The following XKR4 variants were observed in gnomAD, a reference collection of about 807,000 sequenced individuals.
XKR4 encodes the protein XK related 4.
A neutral mutation model predicts 53.9 loss-of-function variants in XKR4; 12 were observed. That is an observed-to-expected ratio of 0.22 (90% confidence interval 0.14 to 0.36). The LOEUF is 0.36. Among genes scored for constraint, XKR4 ranks in the 10% least tolerant of loss-of-function variants. The pLI is 1.00. For missense variants in XKR4, 799 were observed against 859.5 expected (o/e 0.93, Z 0.88); for synonymous variants, 354 against 362.4 (o/e 0.98, Z 0.26).
At chr8:55,145,740 C>T (rs1484848570) in intron 1 of XKR4, among the ~76,000 whole-genome samples, 1 of 152,174 alleles carries the variant, frequency 6.6e-6, no homozygotes. Context: ...CATGTATGCT[C>T]ATGAAAGTAC....
In XKR4 at chr8:55,174,384, T is replaced by A. The variant is rs116799809; in HGVS notation, c.806+71090T>A. Among the ~76,000 whole-genome samples the A allele has an allele frequency of 7.0e-3, 1,064 of 152,304 alleles. 13 individuals carry two copies. The highest frequency in any genetic ancestry group is 0.024 in the African/African-American group (1,004 of 41,570). On this transcript the variant is annotated intron_variant, in intron 1 of 2. Transcript: ENST00000327381. ...GAAGAGTATAGCTGTTTTTTCTGCA[T>A]CCTGCATTGCACATCTCACAAAGAA... is the stretch of plus-strand genomic sequence containing the variant.
At chr8:55,356,207 A>G (rs879638190) in intron 1 of XKR4, among the ~76,000 whole-genome samples, 33 of 152,250 alleles carry the variant, frequency 2.2e-4, no homozygotes, top group African/African-American at 6.8e-4. Flanking sequence ...CTTGATTGCA[A>G]TATCATCAGT....
At chr8:55,451,356 G>T in intron 2 of XKR4, 1 of 664,222 alleles carries the variant, frequency 1.5e-6, no homozygotes. Context: ...GGCTGCCAAT[G>T]TGACTCCCCA....
Position 55,527,983 on chromosome 8 carries a change from C to T in XKR4, c.*3756C>T, listed in dbSNP as rs1047284565. 2.0e-5 allele frequency: 3 copies of T among 151,940 alleles called. No homozygotes were observed. Among genetic ancestry groups the T allele is most frequent in the South Asian group, 2.1e-4 (1 of 4,814 alleles). The allele number at this position is 151,940 out of a possible 1,614,324, so 9.4% of individuals were successfully genotyped here. A position where few individuals can be genotyped will look rare whatever the true frequency, so the allele number is the denominator to read the frequency against. On this transcript the variant is annotated 3_prime_UTR_variant, in exon 3 of 3. Transcript: ENST00000327381. Reference sequence around the variant, plus strand: ...GTGTACATACATATATGTATATATACGTACCTATATATGTATGTACACACA... The same window carrying T: ...GTGTACATACATATATGTATATATATGTACCTATATATGTATGTACACACA...
chr8:55,483,216 C>T (rs967824045), intron 2 of XKR4, among the ~76,000 whole-genome samples: 1 of 152,136 alleles, frequency 6.6e-6, no homozygotes, highest in Admixed American at 6.6e-5. Flanking sequence ...AGCATCATCA[C>T]TTCTTATTAT....
intron 2 of XKR4, among the ~76,000 whole-genome samples, chr8:55,393,442 G>T (rs563333235): frequency 9.8e-5 from 8 of 81,250 alleles, no homozygotes; most frequent in African/African-American, 2.3e-4. Flanking sequence ...AAGGAAGGAA[G>T]GAAGGAAGGA....
chr8:55,237,879 G>T (rs1818155238), intron 1 of XKR4, among the ~76,000 whole-genome samples: 1 of 152,064 alleles, frequency 6.6e-6, no homozygotes, highest in South Asian at 2.1e-4. Context: ...GTCACCATCT[G>T]TCTTCTCCCC....
intron 1 of XKR4, among the ~76,000 whole-genome samples, chr8:55,208,895 A>T (rs1207038597): frequency 6.6e-6 from 1 of 152,224 alleles, no homozygotes; most frequent in Non-Finnish European, 1.5e-5. Context: ...TCCCAAGCTA[A>T]TAAGTAAAAA....
At chr8:55,137,835 G>A (rs1816652599) in intron 1 of XKR4, among the ~76,000 whole-genome samples, 1 of 152,026 alleles carries the variant, frequency 6.6e-6, no homozygotes, top group African/African-American at 2.4e-5. Flanking sequence ...GCCTTCCAAA[G>A]TGCTAGGATT....
intron 1 of XKR4, among the ~76,000 whole-genome samples, chr8:55,235,092 A>T (rs1818100655): frequency 6.6e-6 from 1 of 152,202 alleles, no homozygotes; most frequent in Non-Finnish European, 1.5e-5. Context: ...GGAGCCTCTG[A>T]GGGAGAATCT....
At position 55,103,193 on chromosome 8, in the gene XKR4, G is replaced by T; in HGVS notation, c.705G>T (p.Gly235=). The T allele has an allele frequency of 6.2e-7, 1 of 1,614,066 alleles. No homozygotes were observed. The highest frequency in any genetic ancestry group is 8.5e-7 in the Non-Finnish European group (1 of 1,180,046). ...CCAACAGCGGCAGCAACAGCAGCGG[G>T]GCTACCCGGGCCAGTGGCAAGCACA... The part of the protein sequence containing the change: ...AAANSGSNSS[G]ATRASGKHRS... Residue 235 remains glycine (G), a synonymous_variant, in exon 1 of 3, where the codon GGG becomes GGT. Coordinates refer to ENST00000327381, the MANE Select transcript of XKR4 (RefSeq NM_052898.2).
At chr8:55,403,482 T>C (rs905604959) in intron 2 of XKR4, among the ~76,000 whole-genome samples, 1 of 152,254 alleles carries the variant, frequency 6.6e-6, no homozygotes, top group African/African-American at 2.4e-5. Context: ...ATAAATAGAC[T>C]TACCTTTAGA....
intron 2 of XKR4, among the ~76,000 whole-genome samples, chr8:55,375,768 G>A (rs1018419254): frequency 2.0e-5 from 3 of 150,484 alleles, no homozygotes; most frequent in Admixed American, 1.3e-4. Flanking sequence ...TGCAGGATGT[G>A]CAGGTTTTTA....
intron 1 of XKR4, among the ~76,000 whole-genome samples, chr8:55,163,111 A>C (rs1817009128): frequency 6.6e-6 from 1 of 152,184 alleles, no homozygotes; most frequent in African/African-American, 2.4e-5. Flanking sequence ...TGACAGTAGA[A>C]TGTCTCTCTC....
At chr8:55,278,506 T>C (rs1345595911) in intron 1 of XKR4, among the ~76,000 whole-genome samples, 1 of 152,192 alleles carries the variant, frequency 6.6e-6, no homozygotes, top group Non-Finnish European at 1.5e-5. Flanking sequence ...GGTGTCGTTG[T>C]AATTTTTAAA....
intron 1 of XKR4, chr8:55,135,742 A>T (rs910288987): frequency 1.2e-5 from 5 of 421,286 alleles, no homozygotes; most frequent in Admixed American, 7.2e-5. Flanking sequence ...CACCTTCCTG[A>T]CCCCTGACCC....
intron 2 of XKR4, among the ~76,000 whole-genome samples, chr8:55,437,862 C>A (rs556972149): frequency 2.9e-4 from 44 of 151,964 alleles, no homozygotes; most frequent in African/African-American, 1.1e-3. Flanking sequence ...ATAATCATGG[C>A]CATCTTTTAA....
chr8:55,534,363 C>CTTTTTTTTTTT lies in XKR4; in HGVS notation c.*10154_*10164dup. 157 of 47,162 alleles carry CTTTTTTTTTTT rather than the reference C, an allele frequency of 3.3e-3. 34 individuals are homozygous for CTTTTTTTTTTT. The highest frequency in any genetic ancestry group is 9.4e-3 in the East Asian group (11 of 1,168). The allele number at this position is 47,162 out of a possible 1,614,324, so 2.9% of individuals were successfully genotyped here. A position where few individuals can be genotyped will look rare whatever the true frequency, so the allele number is the denominator to read the frequency against. On this transcript the variant is annotated 3_prime_UTR_variant, in exon 3 of 3. Coordinates refer to ENST00000327381, the MANE Select transcript of XKR4 (RefSeq NM_052898.2). ...GCTCAAAGATCACGAATCTGATATTCTTTTTTTTTTTTTTTTTTTTTTTTT... is the reference window on the plus strand; with the variant it reads ...GCTCAAAGATCACGAATCTGATATTCTTTTTTTTTTTTTTTTTTTTTTTTTTTTTTTTTTTT...
chr8:55,395,118 A>C (rs1804495884), intron 2 of XKR4, among the ~76,000 whole-genome samples: 1 of 152,114 alleles, frequency 6.6e-6, no homozygotes, highest in South Asian at 2.1e-4. Context: ...ATAGTGTGCA[A>C]TCTTTCCACC....
Sources: allele counts gnomAD v4.1 joint callset (sites outside exome capture counted in the v4.1 genomes callset), GRCh38; gene constraint gnomAD v4.1.1; transcripts MANE v1.5; gene names NCBI Gene and HGNC (gene_info 2026-07-23, HGNC 2026-07-21).